The following RAD51B variants were observed in gnomAD, a reference collection of about 807,000 sequenced individuals.
The protein encoded by RAD51B is DNA repair protein RAD51 homolog 2.
In RAD51B, 38 loss-of-function variants were observed where a neutral mutation model predicts 42.2. The ratio of observed to expected loss-of-function variants is 0.90; its 90% confidence interval spans 0.70 to 1.18. RAD51B has a LOEUF of 1.18. Ranked by LOEUF, RAD51B falls within the 50% of genes most tolerant of loss-of-function variation. RAD51B has a pLI of 0.00. For missense variants in RAD51B, 373 were observed against 400.7 expected (o/e 0.93, Z 0.59); for synonymous variants, 154 against 145.2 (o/e 1.06, Z -0.43).
intron 7 of RAD51B, among the ~76,000 whole-genome samples, chr14:67,988,923 G>A (rs564363488): frequency 5.0e-4 from 76 of 152,292 alleles, no homozygotes; most frequent in African/African-American, 1.8e-3. Flanking sequence ...ACAGAGTCAT[G>A]TTTTAGTTTT....
At chr14:68,024,735 G>A (rs959175055) in intron 7 of RAD51B, among the ~76,000 whole-genome samples, 1 of 152,032 alleles carries the variant, frequency 6.6e-6, no homozygotes, top group African/African-American at 2.4e-5. Context: ...GCCCTAGGAG[G>A]CTTTTGGCAG....
At chr14:68,420,118 A>G (rs2084661548) in intron 9 of RAD51B, among the ~76,000 whole-genome samples, 1 of 152,184 alleles carries the variant, frequency 6.6e-6, no homozygotes, top group Non-Finnish European at 1.5e-5. Context: ...CTGATAACAT[A>G]AATAACTCAT....
At chr14:68,253,545 A>T (rs2080686924) in intron 7 of RAD51B, among the ~76,000 whole-genome samples, 1 of 152,206 alleles carries the variant, frequency 6.6e-6, no homozygotes, top group Non-Finnish European at 1.5e-5. Flanking sequence ...AATCATTTAT[A>T]TGCAAAAGTC....
intron 7 of RAD51B, among the ~76,000 whole-genome samples, chr14:68,068,198 C>A (rs1465086474): frequency 6.6e-6 from 1 of 152,086 alleles, no homozygotes; most frequent in Non-Finnish European, 1.5e-5. Context: ...AAGAGTTGTG[C>A]AACCATCACC....
intron 7 of RAD51B, among the ~76,000 whole-genome samples, chr14:67,895,344 A>G (rs2043377575): frequency 6.6e-6 from 1 of 152,186 alleles, no homozygotes; most frequent in African/African-American, 2.4e-5. Flanking sequence ...GAATGAGGTG[A>G]TTTATGTAAG....
intron 7 of RAD51B, among the ~76,000 whole-genome samples, chr14:67,928,160 C>T (rs1337917487): frequency 6.6e-6 from 1 of 151,882 alleles, no homozygotes; most frequent in African/African-American, 2.4e-5. Flanking sequence ...CTTTTTGTTC[C>T]TGGTTCAATC....
chr14:68,538,308 G>T (rs1294620038), intron 10 of RAD51B, among the ~76,000 whole-genome samples: 1 of 152,214 alleles, frequency 6.6e-6, no homozygotes, highest in Non-Finnish European at 1.5e-5. Flanking sequence ...TCCCACAGGT[G>T]TGCAGGCTGG....
At chr14:67,826,536 G>C (rs2040838333) in intron 3 of RAD51B, among the ~76,000 whole-genome samples, 1 of 152,230 alleles carries the variant, frequency 6.6e-6, no homozygotes. Context: ...TGGACTGTAA[G>C]TTTCTTACCT....
chr14:68,392,223 G>T (rs1305591889), intron 8 of RAD51B, among the ~76,000 whole-genome samples: 2 of 152,182 alleles, frequency 1.3e-5, no homozygotes, highest in Admixed American at 6.5e-5. Flanking sequence ...GTACATTGGG[G>T]CATTGTTCAC....
chr14:68,622,672 C>G (rs1458847502), intron 10 of RAD51B, among the ~76,000 whole-genome samples: 1 of 148,952 alleles, frequency 6.7e-6, no homozygotes, highest in Non-Finnish European at 1.5e-5. Context: ...TTCCTGATAG[C>G]CCTTGGTGAC....
chr14:68,316,556 T>A (rs531410127), intron 8 of RAD51B, among the ~76,000 whole-genome samples: 45 of 152,326 alleles, frequency 3.0e-4, no homozygotes, highest in African/African-American at 1.1e-3. Context: ...CTTCCACATG[T>A]TTCTAATTAG....
chr14:68,204,248 T>C (rs1294833478), intron 7 of RAD51B, among the ~76,000 whole-genome samples: 1 of 152,238 alleles, frequency 6.6e-6, no homozygotes, highest in African/African-American at 2.4e-5. Context: ...ATTGTAAGGT[T>C]ATTAATTGAA....
intron 7 of RAD51B, among the ~76,000 whole-genome samples, chr14:68,183,368 A>AAGGCTTAT (rs11282673): frequency 6.6e-6 from 1 of 151,700 alleles, no homozygotes; most frequent in Admixed American, 6.6e-5. Flanking sequence ...GAGAAAGATG[A>AAGGCTTAT]AGACTCAGCA....
chr14:68,085,110 C>G (rs898755546), intron 7 of RAD51B, among the ~76,000 whole-genome samples: 4 of 152,130 alleles, frequency 2.6e-5, no homozygotes, highest in Non-Finnish European at 4.4e-5. Context: ...GGAATAGGAG[C>G]AGATAATTGA....
chr14:68,190,165 A>C (rs2079235865), intron 7 of RAD51B, among the ~76,000 whole-genome samples: 1 of 148,458 alleles, frequency 6.7e-6, no homozygotes, highest in Non-Finnish European at 1.5e-5. Context: ...ACTTGCTCGG[A>C]GTAATTTGAT....
At chr14:68,115,730 A>G (rs1333653796) in intron 7 of RAD51B, among the ~76,000 whole-genome samples, 2 of 152,144 alleles carry the variant, frequency 1.3e-5, no homozygotes, top group Admixed American at 6.6e-5. Flanking sequence ...ATCTTGTGTC[A>G]GGGAACTACA....
At chr14:68,479,688 T>TTTTTTTTTTTTTG (rs34627518), downstream of RAD51B, among the ~76,000 whole-genome samples, 4 of 137,012 alleles carry the variant, frequency 2.9e-5, no homozygotes, top group Non-Finnish European at 3.1e-5. Flanking sequence ...TTTTTTTTTT[T>TTTTTTTTTTTTTG]GCCAGAGTCT....
chr14:68,315,917 A>G (rs1276290845), intron 8 of RAD51B, among the ~76,000 whole-genome samples: 3 of 152,228 alleles, frequency 2.0e-5, no homozygotes, highest in Non-Finnish European at 4.4e-5. Context: ...TGTGAATATT[A>G]ACTAGGGCTT....
At chr14:68,650,465 T>C (rs927669410) in intron 10 of RAD51B, among the ~76,000 whole-genome samples, 8 of 152,182 alleles carry the variant, frequency 5.3e-5, no homozygotes, top group African/African-American at 9.7e-5. Flanking sequence ...GGCAGAAAAC[T>C]CAGTTTCCTC....
Sources: gnomAD v4.1 joint callset for allele counts (sites outside exome capture counted in the v4.1 genomes callset) on GRCh38, gnomAD v4.1.1 for gene constraint, MANE v1.5 for transcripts, NCBI Gene and HGNC (gene_info 2026-07-23, HGNC 2026-07-21) for gene names.